The following ZFAT variants were observed in gnomAD, a reference collection of about 807,000 sequenced individuals.
ZFAT encodes the protein zinc finger protein ZFAT.
A neutral mutation model predicts 117.7 loss-of-function variants in ZFAT; 64 were observed. The ratio of observed to expected loss-of-function variants is 0.54; its 90% CI spans 0.44 to 0.67. The LOEUF (loss-of-function observed/expected upper bound fraction) is 0.67. Among genes scored for constraint, ZFAT ranks in the 30% least tolerant of loss-of-function variants. ZFAT has a pLI of 0.00. For synonymous variants in ZFAT, 679 were observed against 615.0 expected, an observed-to-expected ratio of 1.10 and a Z score of -1.54; for missense variants, 1,433 against 1,584.5, an observed-to-expected ratio of 0.90 and a Z score of 1.62.
At chr8:134,764,362 T>G in the ZFAT span, among the ~76,000 whole-genome samples, 2 of 152,216 alleles carry the variant, frequency 1.3e-5, no homozygotes, top group Non-Finnish European at 2.9e-5. Flanking sequence ...AAGACAGAAG[T>G]TAAATTGCTT....
chr8:134,608,690 C>T, intron 5 of ZFAT, 39 bp downstream of exon 5: 1 of 1,596,294 alleles, frequency 6.3e-7, no homozygotes, highest in Middle Eastern at 1.7e-4. Flanking sequence ...CACTCACATG[C>T]AACCTCTGGC....
intron 15 of ZFAT, among the ~76,000 whole-genome samples, chr8:134,501,713 C>T (rs1352798594): frequency 6.6e-6 from 1 of 152,176 alleles, no homozygotes; most frequent in African/African-American, 2.4e-5. Context: ...CAGCCAGTGA[C>T]TCTCCTTTTA....
In ZFAT at chr8:134,602,020, C is replaced by A. The variant is rs1331829223; in HGVS notation, c.1699G>T (p.Ala567Ser). 2.5e-6 allele frequency: 4 copies of A among 1,612,472 alleles called. No individual in the cohort carries two copies. Among genetic ancestry groups the A allele is most frequent in the Non-Finnish European group, 2.5e-6 (3 of 1,179,672 alleles). ...APAVHLASPQ[A>S]ESTALPPCEL... is the part of the protein sequence containing the mutation. ...CAGGGTGGCAGGGCTGTGCTTTCGG[C>A]CTGCGGGGAGGCCAGGTGCACAGCT... Residue 567 changes from alanine (A) to serine (S), a missense_variant, in exon 6 of 16, where the codon GCC becomes TCC. Physicochemically the swap from Ala to Ser is moderately conservative, Grantham distance 99. Coordinates refer to ENST00000377838, the MANE Select transcript of ZFAT (RefSeq NM_020863.4).
rs59339651 is a variant in ZFAT, at chr8:134,710,513, C to T, written c.19+2332G>A. Among the ~76,000 whole-genome samples the T allele has an allele frequency of 1.5e-4, 23 of 152,310 alleles. No individual in the cohort carries two copies. In the East Asian group the frequency reaches 4.4e-3, roughly 29 times the overall value. On this transcript the variant is annotated intron_variant, in intron 1 of 15. Transcript: ENST00000377838. ...GACGTACCTATGATCCAGCATAGCG[C>T]ATGTATCTAAATTGCAATCCCCTAT...
chr8:134,675,560 A>G (rs1832757449), intron 1 of ZFAT, among the ~76,000 whole-genome samples: 1 of 152,216 alleles, frequency 6.6e-6, no homozygotes, highest in Non-Finnish European at 1.5e-5. Flanking sequence ...AACTTCCCCA[A>G]CCTAGCAAGG....
intron 2 of ZFAT, among the ~76,000 whole-genome samples, chr8:134,639,057 T>C (rs1047880696): frequency 2.0e-5 from 3 of 152,160 alleles, no homozygotes; most frequent in African/African-American, 7.2e-5. Context: ...CTCTGCACAG[T>C]AGGACACCAG....
At chr8:134,606,051 T>C (rs1827867470) in intron 5 of ZFAT, among the ~76,000 whole-genome samples, 1 of 152,074 alleles carries the variant, frequency 6.6e-6, no homozygotes, top group African/African-American at 2.4e-5. Context: ...AGATAAGCAT[T>C]AACTAAGCAA....
At chr8:134,593,124 C>T (rs1826653858) in intron 7 of ZFAT, among the ~76,000 whole-genome samples, 1 of 152,176 alleles carries the variant, frequency 6.6e-6, no homozygotes, top group Non-Finnish European at 1.5e-5. Context: ...GAGACCTCCA[C>T]CACCCCTGGC....
chr8:134,479,160 T>A (rs556329854), intron 15 of ZFAT, among the ~76,000 whole-genome samples: 1 of 152,348 alleles, frequency 6.6e-6, no homozygotes, highest in South Asian at 2.1e-4. Context: ...ACTACGTCTA[T>A]CCTGGGCTCT....
chr8:134,646,951 G>A (rs1301512996), intron 2 of ZFAT, among the ~76,000 whole-genome samples: 1 of 152,072 alleles, frequency 6.6e-6, no homozygotes, highest in African/African-American at 2.4e-5. Flanking sequence ...GGTTTCACTG[G>A]TGAACTCTAC....
chr8:134,681,060 GC>G (rs1480878144), intron 1 of ZFAT, among the ~76,000 whole-genome samples: 1 of 152,198 alleles, frequency 6.6e-6, no homozygotes, highest in African/African-American at 2.4e-5. Flanking sequence ...TTATCCATGA[GC>G]CCAGTCAGTC....
intron 3 of ZFAT, among the ~76,000 whole-genome samples, chr8:134,631,363 G>T (rs1429551442): frequency 6.6e-6 from 1 of 152,184 alleles, no homozygotes; most frequent in African/African-American, 2.4e-5. Flanking sequence ...CTCCATCCAT[G>T]AGGTAGAAAT....
chr8:134,526,710 C>T (rs1586645247), intron 12 of ZFAT, among the ~76,000 whole-genome samples: 1 of 152,202 alleles, frequency 6.6e-6, no homozygotes, highest in African/African-American at 2.4e-5. Context: ...GAATGGCATA[C>T]AACACTGGGT....
Position 134,509,669 on chromosome 8 carries a change from G to A in ZFAT, c.3442C>T (p.Leu1148Phe), listed in dbSNP as rs1586611093. ...GGTGCCATGGCAACCACCGAGGCAA[G>A]GGCAGTGGCGTCATGGGTCTCGGCG... is the stretch of plus-strand genomic sequence containing the variant. Reference protein sequence around the residue: ...LGAETHDATALASVVAMAPGT... With the variant: ...LGAETHDATAFASVVAMAPGT... Residue 1148 changes from leucine (L) to phenylalanine (F), a missense_variant, in exon 15 of 16, where the codon CTT becomes TTT. By Grantham distance (22) the Leu-to-Phe change is conservative. Transcript: ENST00000377838. 6.2e-7 allele frequency: 1 copy of A among 1,613,314 alleles called. No homozygotes were observed. Among genetic ancestry groups the A allele is most frequent in the South Asian group, 1.1e-5 (1 of 91,044 alleles).
chr8:134,600,242 T>C (rs1827299887), intron 7 of ZFAT, 194 bp downstream of exon 7: 2 of 635,656 alleles, frequency 3.1e-6, no homozygotes, highest in Non-Finnish European at 5.6e-6. Flanking sequence ...TAATCTCTTT[T>C]TTCAACGTAT....
At chr8:134,670,198 C>T (rs1477966664) in intron 1 of ZFAT, among the ~76,000 whole-genome samples, 2 of 152,172 alleles carry the variant, frequency 1.3e-5, no homozygotes, top group Non-Finnish European at 2.9e-5. Context: ...ATCAACGAGA[C>T]AGAAAGTTAA....
intron 1 of ZFAT, among the ~76,000 whole-genome samples, chr8:134,675,723 C>T (rs10093349): frequency 0.35 from 52,558 of 152,050 alleles, 9,449 homozygotes; most frequent in South Asian, 0.43. Flanking sequence ...AAGGGAAGCC[C>T]ATCTGACTAA....
chr8:134,732,169 C>A, the ZFAT span, among the ~76,000 whole-genome samples: 4 of 152,216 alleles, frequency 2.6e-5, no homozygotes, highest in African/African-American at 9.7e-5. Context: ...TTATCACTGG[C>A]TTCTGCTGCT....
chr8:134,644,710 G>A (rs1411370892), intron 2 of ZFAT, among the ~76,000 whole-genome samples: 3 of 151,120 alleles, frequency 2.0e-5, no homozygotes, highest in Non-Finnish European at 2.9e-5. Flanking sequence ...ATATGCCCAC[G>A]ACACACAGCA....
Sources: gnomAD v4.1 joint callset for allele counts (sites outside exome capture counted in the v4.1 genomes callset) on GRCh38, gnomAD v4.1.1 for gene constraint, MANE v1.5 for transcripts, NCBI Gene and HGNC (gene_info 2026-07-23, HGNC 2026-07-21) for gene names.